Variants in GALNT18 observed in about 807,000 individuals in gnomAD.
The protein encoded by GALNT18 is GalNAc-transferase 18.
In GALNT18, 44 loss-of-function variants were observed where a neutral mutation model predicts 69.5. That is an observed-to-expected ratio of 0.63 (90% CI 0.50 to 0.81). The LOEUF (loss-of-function observed/expected upper bound fraction) is 0.81. Ranked by LOEUF, GALNT18 falls within the 40% of genes least tolerant of loss-of-function variation. The pLI is 0.00. For missense variants in GALNT18, 715 were observed against 810.0 expected, an observed-to-expected ratio of 0.88 and a Z score of 1.42; for synonymous variants, 364 against 318.2, an observed-to-expected ratio of 1.14 and a Z score of -1.53.
In GALNT18 at chr11:11,606,390, CT is replaced by C. The variant is rs1859755986; in HGVS notation, c.235+14968del. ...AAAATGGGGCTAATTATCTCACAGC[CT>C]TATTTTAAGGATTAAATAATATGAA... is the stretch of plus-strand genomic sequence containing the variant. On this transcript the variant is annotated intron_variant, in intron 1 of 10. Coordinates refer to ENST00000227756, the MANE Select transcript of GALNT18 (RefSeq NM_198516.3). This position sits in a 1 kb window ranked among gnomAD's most constrained non-coding sequence, Gnocchi z 5.4. Among the ~76,000 whole-genome samples, 1 of 152,182 alleles carries C rather than the reference CT, an allele frequency of 6.6e-6. No individual in the cohort carries two copies. The highest frequency in any genetic ancestry group is 2.4e-5 in the African/African-American group (1 of 41,440).
intron 1 of GALNT18, among the ~76,000 whole-genome samples, chr11:11,492,561 G>A (rs1415199919): frequency 6.6e-6 from 1 of 152,168 alleles, no homozygotes; most frequent in Non-Finnish European, 1.5e-5. Flanking sequence ...GGAATATTGT[G>A]CAGCCATAAA....
intron 1 of GALNT18, among the ~76,000 whole-genome samples, chr11:11,594,302 A>G (rs1267531468): frequency 6.6e-6 from 1 of 152,192 alleles, no homozygotes; most frequent in South Asian, 2.1e-4. Context: ...TTATTTTTTA[A>G]GCTTTATTGA....
chr11:11,566,760 A>T (rs1052734569), intron 1 of GALNT18, among the ~76,000 whole-genome samples: 1 of 152,234 alleles, frequency 6.6e-6, no homozygotes, highest in Non-Finnish European at 1.5e-5. Context: ...AAAAAATAGA[A>T]ATTTGAGAAA....
At chr11:11,351,988 G>A (rs551635691) in intron 6 of GALNT18, 1 of 1,611,348 alleles carries the variant, frequency 6.2e-7, no homozygotes, top group Admixed American at 1.7e-5. Context: ...ATCCCAAGGG[G>A]GTTGGCAGCA....
chr11:11,400,360 G>C (rs58535350), intron 3 of GALNT18, among the ~76,000 whole-genome samples: 2 of 152,132 alleles, frequency 1.3e-5, no homozygotes, highest in Admixed American at 6.5e-5. Context: ...CATGGCAATA[G>C]ATAGTTAACG....
rs960665106 is a variant in GALNT18, at chr11:11,606,250, G to C, written c.235+15109C>G. 6.6e-6 allele frequency among the ~76,000 whole-genome samples: 1 copy of C among 152,186 alleles called. No individual in the cohort carries two copies. Among genetic ancestry groups the C allele is most frequent in the Non-Finnish European group, 1.5e-5 (1 of 68,040 alleles). On this transcript the variant is annotated intron_variant, in intron 1 of 10. Coordinates refer to ENST00000227756, the MANE Select transcript of GALNT18 (RefSeq NM_198516.3). The surrounding 1 kb of genome is among the most constrained non-coding windows in gnomAD (Gnocchi z 5.4). ...TAGCCCCTACTGTATACCTGGCACT[G>C]TGTGACAAACTGGAAAACAGGAAAA...
chr11:11,432,921 A>T lies in GALNT18; in HGVS notation c.429-134T>A. ...GATTCTTCCAAGGGCCCCTTCTTTG[A>T]TGCACTTAAGATGAGCCCTAAATGT... On this transcript the variant is annotated intron_variant, in intron 2 of 10. Coordinates refer to ENST00000227756, the MANE Select transcript of GALNT18 (RefSeq NM_198516.3). This position sits in a 1 kb window ranked among gnomAD's most constrained non-coding sequence, Gnocchi z 5.8. 1 of 769,016 alleles carries T rather than the reference A, an allele frequency of 1.3e-6. No individual in the cohort carries two copies. The highest frequency in any genetic ancestry group is 2.1e-6 in the Non-Finnish European group (1 of 486,910). The allele number at this position is 769,016 out of a possible 1,614,324, so 47.6% of individuals were successfully genotyped here.
intron 10 of GALNT18, among the ~76,000 whole-genome samples, chr11:11,292,016 G>A (rs1443970662): frequency 6.6e-6 from 1 of 152,120 alleles, no homozygotes; most frequent in African/African-American, 2.4e-5. Flanking sequence ...GCTCCTTGCA[G>A]TGCCCCCAGC....
intron 6 of GALNT18, among the ~76,000 whole-genome samples, chr11:11,346,067 C>T (rs10831594): frequency 0.83 from 126,943 of 152,238 alleles, 57,554 homozygotes; most frequent in East Asian, 1. Context: ...CCCCCACTTA[C>T]GACCCAGCTC....
intron 2 of GALNT18, among the ~76,000 whole-genome samples, chr11:11,447,982 G>A (rs898440591): frequency 4.6e-5 from 7 of 152,122 alleles, no homozygotes; most frequent in Non-Finnish European, 5.9e-5. Context: ...CATCCTAGCC[G>A]AGCCAGGTTC....
intron 9 of GALNT18, among the ~76,000 whole-genome samples, chr11:11,322,454 A>G (rs1057242315): frequency 5.9e-5 from 9 of 152,222 alleles, no homozygotes; most frequent in African/African-American, 2.2e-4. Context: ...GCAGAGCAAG[A>G]ATTTACAGAA....
rs142635771 is a variant in GALNT18, at chr11:11,467,101, G to A, written c.236-18165C>T. Among the ~76,000 whole-genome samples, 640 of 152,328 alleles carry A rather than the reference G, an allele frequency of 4.2e-3. 6 individuals are homozygous for A. Among genetic ancestry groups the A allele is most frequent in the African/African-American group, 0.014 (581 of 41,568 alleles). On this transcript the variant is annotated intron_variant, in intron 1 of 10. Transcript: ENST00000227756. ...AGAACATCTTCCGAACCTGGGGCCC[G>A]GGAGGCAGGAGGCCCTTAATGGGGA...
At chr11:11,354,207 T>C (rs1223825600) in intron 6 of GALNT18, among the ~76,000 whole-genome samples, 3 of 152,200 alleles carry the variant, frequency 2.0e-5, no homozygotes, top group Non-Finnish European at 1.5e-5. Context: ...TAGCAAACTC[T>C]CATTTAATAC....
chr11:11,528,388 A>G (rs555732570), intron 1 of GALNT18, among the ~76,000 whole-genome samples: 1 of 152,308 alleles, frequency 6.6e-6, no homozygotes, highest in Middle Eastern at 3.4e-3. Context: ...TAGACAAGTA[A>G]CCAAGGAGAG....
chr11:11,430,866 A>C lies in GALNT18; in HGVS notation c.595+1755T>G, dbSNP rs1171418306. ...TTCAAGATGCCCTTTTCCCCCGCCA[A>C]TATAATAAAGCATGACCAAATTCCT... On this transcript the variant is annotated intron_variant, in intron 3 of 10. Transcript: ENST00000227756. The surrounding 1 kb of genome is among the most constrained non-coding windows in gnomAD (Gnocchi z 4.9). 6.6e-6 allele frequency among the ~76,000 whole-genome samples: 1 copy of C among 152,150 alleles called. No individual in the cohort carries two copies. Among genetic ancestry groups the C allele is most frequent in the Non-Finnish European group, 1.5e-5 (1 of 68,020 alleles).
chr11:11,392,932 G>A (rs1317686422), intron 3 of GALNT18, among the ~76,000 whole-genome samples: 1 of 152,208 alleles, frequency 6.6e-6, no homozygotes, highest in East Asian at 1.9e-4. Flanking sequence ...CATGGGGCAG[G>A]TCAGTCAGAC....
intron 10 of GALNT18, among the ~76,000 whole-genome samples, chr11:11,279,807 G>A (rs1172841167): frequency 6.6e-6 from 1 of 152,206 alleles, no homozygotes; most frequent in African/African-American, 2.4e-5. Flanking sequence ...CCTGAGCTGG[G>A]TGATGGAAAC....
intron 3 of GALNT18, among the ~76,000 whole-genome samples, chr11:11,380,759 T>A (rs886770390): frequency 1.3e-5 from 2 of 152,258 alleles, no homozygotes; most frequent in East Asian, 3.8e-4. Context: ...TACTTTTATT[T>A]AATCAGCCTT....
intron 10 of GALNT18, among the ~76,000 whole-genome samples, chr11:11,278,343 A>T (rs1056654864): frequency 1.3e-5 from 2 of 148,942 alleles, no homozygotes; most frequent in Non-Finnish European, 3.0e-5. Context: ...CAGGGAAGGC[A>T]TCACACAGTG....
Sources: allele counts gnomAD v4.1 joint callset (sites outside exome capture counted in the v4.1 genomes callset), GRCh38; gene constraint gnomAD v4.1.1; non-coding constraint Gnocchi (gnomAD v3.1); transcripts MANE v1.5; gene names NCBI Gene and HGNC (gene_info 2026-07-23, HGNC 2026-07-21).